Variants in SDHAF3 observed in about 807,000 individuals in gnomAD.
SDHAF3 encodes the protein succinate dehydrogenase complex assembly factor 3, also known as succinate dehydrogenase assembly factor 3, mitochondrial.
SDHAF3 carries 18 observed loss-of-function variants against 11.5 expected under a neutral mutation model. The observed-to-expected ratio is 1.56, with a 90% CI of 1.08 to 2.32. SDHAF3 has a LOEUF of 2.32. Among genes scored for constraint, SDHAF3 ranks in the 30% most tolerant of loss-of-function variants. The pLI is 0.00. For missense variants in SDHAF3, 200 were observed against 154.4 expected (o/e 1.30, Z -1.57); for synonymous variants, 72 against 59.3 (o/e 1.21, Z -0.99).
chr7:97,140,192 T>C (rs1181376783), intron 1 of SDHAF3, among the ~76,000 whole-genome samples: 1 of 152,208 alleles, frequency 6.6e-6, no homozygotes, highest in Non-Finnish European at 1.5e-5. Context: ...CTTAATGTTT[T>C]ACTGTCTTTG....
intron 1 of SDHAF3, among the ~76,000 whole-genome samples, chr7:97,126,832 C>T (rs572013820): frequency 6.8e-6 from 1 of 147,206 alleles, no homozygotes; most frequent in African/African-American, 2.5e-5. Context: ...GTTCCAGGCA[C>T]CACTGGAGTA....
At chr7:97,148,316 C>G (rs945602669) in intron 1 of SDHAF3, among the ~76,000 whole-genome samples, 6 of 152,168 alleles carry the variant, frequency 3.9e-5, no homozygotes, top group African/African-American at 1.4e-4. Context: ...GGGAGGGCCA[C>G]TTGAAGCCAG....
intron 1 of SDHAF3, among the ~76,000 whole-genome samples, chr7:97,155,631 G>C (rs1156255512): frequency 6.6e-6 from 1 of 152,092 alleles, no homozygotes; most frequent in Non-Finnish European, 1.5e-5. Flanking sequence ...TAAATTATAA[G>C]CTGCTTTAAA....
At position 97,145,054 on chromosome 7, in the gene SDHAF3, T is replaced by TG. The variant is rs528990338; in HGVS notation, c.174+27157_174+27158insG. 6.5e-3 allele frequency among the ~76,000 whole-genome samples: 991 copies of TG among 152,072 alleles called. 9 individuals carry two copies. The highest frequency in any genetic ancestry group is 0.014 in the Middle Eastern group (4 of 294). ...GTATATTCCTAAGTATTTTTTGTTTTTTTTTTTTTGCAGCTATTGTAAAAG... is the reference window on the plus strand; with the variant it reads ...GTATATTCCTAAGTATTTTTTGTTTTGTTTTTTTTTGCAGCTATTGTAAAAG... On this transcript the variant is annotated intron_variant, in intron 1 of 1. Transcript: ENST00000432641.
chr7:97,174,886 T>TA (rs1467471591), intron 1 of SDHAF3, among the ~76,000 whole-genome samples: 2 of 152,216 alleles, frequency 1.3e-5, no homozygotes, highest in Admixed American at 1.3e-4. Context: ...CTGGCGTTGT[T>TA]ATGTAGTTTT....
intron 1 of SDHAF3, among the ~76,000 whole-genome samples, chr7:97,119,548 A>G (rs1791460338): frequency 6.6e-6 from 1 of 152,210 alleles, no homozygotes; most frequent in Non-Finnish European, 1.5e-5. Flanking sequence ...CTGTGTTAGC[A>G]TCTTACATAA....
At chr7:97,153,667 C>T (rs941572813) in intron 1 of SDHAF3, among the ~76,000 whole-genome samples, 2 of 152,212 alleles carry the variant, frequency 1.3e-5, no homozygotes, top group African/African-American at 4.8e-5. Flanking sequence ...TTTCCACCAG[C>T]GGTGAATGAG....
At chr7:97,165,227 C>T (rs1047035835) in intron 1 of SDHAF3, among the ~76,000 whole-genome samples, 4 of 152,100 alleles carry the variant, frequency 2.6e-5, no homozygotes, top group African/African-American at 4.8e-5. Flanking sequence ...GCGGAGCTTG[C>T]AGTGAGCCGA....
At chr7:97,163,132 T>G (rs1789439515) in intron 1 of SDHAF3, among the ~76,000 whole-genome samples, 1 of 151,922 alleles carries the variant, frequency 6.6e-6, no homozygotes, top group South Asian at 2.1e-4. Flanking sequence ...TGTAATGCCC[T>G]TCTTTGTCTC....
chr7:97,118,234 C>T (rs967495408), intron 1 of SDHAF3, among the ~76,000 whole-genome samples: 1 of 152,146 alleles, frequency 6.6e-6, no homozygotes, highest in Non-Finnish European at 1.5e-5. Context: ...GCCTTTGCAC[C>T]TAGTAAGCGC....
chr7:97,150,738 T>C (rs1789206919), intron 1 of SDHAF3, among the ~76,000 whole-genome samples: 1 of 151,888 alleles, frequency 6.6e-6, no homozygotes, highest in Admixed American at 6.6e-5. Flanking sequence ...TAATTTTTTG[T>C]ATTTTTAGTA....
In SDHAF3 at chr7:97,117,783, C is replaced by G; in HGVS notation, c.60C>G (p.His20Gln). The change falls in exon 1 of 2, where the codon CAC becomes CAG. Residue 20 changes from histidine (H) to glutamine (Q), a missense_variant. Physicochemically the swap from His to Gln is conservative, Grantham distance 24. Transcript: ENST00000432641. ...RALYKRVLQL[H>Q]RVLPPDLKSL... ...TGTACAAGCGCGTCTTGCAGCTGCA[C>G]CGTGTTCTGCCCCCGGACCTCAAAT... 2 of 1,614,200 alleles carry G rather than the reference C, an allele frequency of 1.2e-6. No individual in the cohort carries two copies. Among genetic ancestry groups the G allele is most frequent in the Non-Finnish European group, 8.5e-7 (1 of 1,180,042 alleles).
chr7:97,151,362 A>T (rs2115692615), intron 1 of SDHAF3, among the ~76,000 whole-genome samples: 1 of 152,228 alleles, frequency 6.6e-6, no homozygotes, highest in Admixed American at 6.5e-5. Context: ...AGTGGAGGTG[A>T]GGACAGACAG....
chr7:97,134,019 G>A lies in SDHAF3; in HGVS notation c.174+16122G>A, dbSNP rs570315740. Reference sequence around the variant, plus strand: ...TTTGGTGCAATAACTCTTTACTGACGAAGAGGTCTATAGTTTGTTTAAGAA... The same window carrying A: ...TTTGGTGCAATAACTCTTTACTGACAAAGAGGTCTATAGTTTGTTTAAGAA... On this transcript the variant is annotated intron_variant, in intron 1 of 1. Coordinates refer to ENST00000432641, the MANE Select transcript of SDHAF3 (RefSeq NM_020186.3). Among the ~76,000 whole-genome samples, 5 of 152,278 alleles carry A rather than the reference G, an allele frequency of 3.3e-5. No individual in the cohort carries two copies. The East Asian group carries it at 7.7e-4, about 24-fold the overall frequency.
At chr7:97,129,078 A>G (rs1249489958) in intron 1 of SDHAF3, among the ~76,000 whole-genome samples, 1 of 152,206 alleles carries the variant, frequency 6.6e-6, no homozygotes, top group Non-Finnish European at 1.5e-5. Context: ...TTTCCTGTTT[A>G]TCTCTTCAAA....
At chr7:97,172,336 T>A (rs909552954) in intron 1 of SDHAF3, among the ~76,000 whole-genome samples, 3 of 152,172 alleles carry the variant, frequency 2.0e-5, no homozygotes, top group Non-Finnish European at 4.4e-5. Context: ...CCTCTTTCTA[T>A]ATGCATGTAT....
intron 1 of SDHAF3, among the ~76,000 whole-genome samples, chr7:97,156,412 T>C (rs1337596863): frequency 6.6e-6 from 1 of 152,124 alleles, no homozygotes; most frequent in African/African-American, 2.4e-5. Flanking sequence ...CTGATGAGCT[T>C]GCACTAATAG....
At chr7:97,170,398 T>C (rs914005152) in intron 1 of SDHAF3, among the ~76,000 whole-genome samples, 5 of 152,198 alleles carry the variant, frequency 3.3e-5, no homozygotes, top group African/African-American at 1.2e-4. Context: ...CATTTTTAGA[T>C]TAAGTAAAAT....
At chr7:97,175,897 T>C (rs929502283) in intron 1 of SDHAF3, among the ~76,000 whole-genome samples, 7 of 152,338 alleles carry the variant, frequency 4.6e-5, no homozygotes, top group Non-Finnish European at 1.5e-5. Context: ...GGTAGTGTAT[T>C]CTGGAGAGGC....
Sources: allele counts gnomAD v4.1 joint callset (sites outside exome capture counted in the v4.1 genomes callset), GRCh38; gene constraint gnomAD v4.1.1; transcripts MANE v1.5; gene names NCBI Gene and HGNC (gene_info 2026-07-23, HGNC 2026-07-21).